Variants in QTMAN observed in about 807,000 individuals in gnomAD.
QTMAN encodes queuosine-tRNA mannosyltransferase.
At chr2:144,178,702 T>C in the QTMAN span, 1 of 259,422 alleles carries the variant, frequency 3.9e-6, no homozygotes, top group Non-Finnish European at 7.6e-6. Context: ...ATTCATCCCC[T>C]CAGGTAGGCC....
the QTMAN span, among the ~76,000 whole-genome samples, chr2:144,265,161 C>T: frequency 2.0e-5 from 3 of 152,014 alleles, no homozygotes; most frequent in African/African-American, 7.3e-5. Context: ...TAATGCAAGC[C>T]CACTCCTAAG....
At chr2:144,247,293 G>T in the QTMAN span, among the ~76,000 whole-genome samples, 1 of 152,190 alleles carries the variant, frequency 6.6e-6, no homozygotes, top group African/African-American at 2.4e-5. Context: ...TTCATAGAAG[G>T]TATAGGAAGA....
chr2:144,280,466 G>T, the QTMAN span, among the ~76,000 whole-genome samples: 1 of 152,118 alleles, frequency 6.6e-6, no homozygotes, highest in Non-Finnish European at 1.5e-5. Context: ...GGCAGTGCAG[G>T]ATTTTGGGGG....
At chr2:143,957,249 C>T in the QTMAN span, 1 of 1,612,548 alleles carries the variant, frequency 6.2e-7, no homozygotes, top group Admixed American at 1.7e-5. Context: ...ATCAGCCATG[C>T]ACAGTACTTG....
At chr2:144,104,322 G>C in the QTMAN span, among the ~76,000 whole-genome samples, 18 of 152,294 alleles carry the variant, frequency 1.2e-4, no homozygotes, top group South Asian at 2.7e-3. Flanking sequence ...CCCCTCACCT[G>C]GGAAGTGCAA....
the QTMAN span, among the ~76,000 whole-genome samples, chr2:144,187,135 T>TA: frequency 6.6e-6 from 1 of 152,358 alleles, no homozygotes; most frequent in African/African-American, 2.4e-5. Flanking sequence ...AAGTCACTGA[T>TA]ACCACTTTGT....
At chr2:143,991,209 T>G in the QTMAN span, among the ~76,000 whole-genome samples, 6 of 152,214 alleles carry the variant, frequency 3.9e-5, no homozygotes, top group Admixed American at 6.5e-5. Context: ...TGGTAAATGT[T>G]TTCCAGGATG....
the QTMAN span, among the ~76,000 whole-genome samples, chr2:144,100,205 C>A: frequency 6.6e-6 from 1 of 152,174 alleles, no homozygotes; most frequent in African/African-American, 2.4e-5. Context: ...GTACTTCTGG[C>A]CCAAGTTCTG....
chr2:144,137,667 A>G, the QTMAN span, among the ~76,000 whole-genome samples: 3 of 152,086 alleles, frequency 2.0e-5, no homozygotes, highest in Non-Finnish European at 2.9e-5. Flanking sequence ...CAGAAGACAT[A>G]TAACTTCTCT....
the QTMAN span, among the ~76,000 whole-genome samples, chr2:143,984,560 T>C: frequency 3.7e-4 from 57 of 152,268 alleles, no homozygotes; most frequent in Admixed American, 2.0e-3. Context: ...GGTGTCCCTG[T>C]CAAGGGCTCC....
chr2:143,952,672 A>G, the QTMAN span: 1 of 873,312 alleles, frequency 1.1e-6, no homozygotes, highest in Non-Finnish European at 1.9e-6. Context: ...GACTTGCCAA[A>G]TAAACAATTG....
At chr2:143,997,888 TA>T in the QTMAN span, among the ~76,000 whole-genome samples, 3 of 152,130 alleles carry the variant, frequency 2.0e-5, no homozygotes, top group Non-Finnish European at 2.9e-5. Context: ...CTAGTTCTCC[TA>T]ATGAGGAACA....
the QTMAN span, among the ~76,000 whole-genome samples, chr2:144,132,979 G>A: frequency 6.8e-6 from 1 of 147,466 alleles, no homozygotes; most frequent in African/African-American, 2.5e-5. Flanking sequence ...TGAGAAAACT[G>A]AGGCTCTGGA....
the QTMAN span, among the ~76,000 whole-genome samples, chr2:144,296,704 G>A: frequency 6.6e-6 from 1 of 152,066 alleles, no homozygotes; most frequent in Non-Finnish European, 1.5e-5. Flanking sequence ...GTACCATGTT[G>A]AAACCCCTCA....
At chr2:144,221,709 G>A in the QTMAN span, among the ~76,000 whole-genome samples, 4 of 152,168 alleles carry the variant, frequency 2.6e-5, no homozygotes, top group East Asian at 1.9e-4. Flanking sequence ...TACTGAAGGC[G>A]TCCTCCCTTC....
At chr2:144,314,136 T>C in the QTMAN span, among the ~76,000 whole-genome samples, 14 of 152,132 alleles carry the variant, frequency 9.2e-5, no homozygotes, top group African/African-American at 1.4e-4. Flanking sequence ...AGCCAATAAA[T>C]AGAAAAACAG....
At chr2:144,240,947 C>A in the QTMAN span, among the ~76,000 whole-genome samples, 1 of 152,288 alleles carries the variant, frequency 6.6e-6, no homozygotes, top group South Asian at 2.1e-4. Context: ...CCTGGCTGCA[C>A]GTTAGAATCC....
chr2:144,002,234 T>C, the QTMAN span, among the ~76,000 whole-genome samples: 1 of 151,952 alleles, frequency 6.6e-6, no homozygotes, highest in East Asian at 1.9e-4. Context: ...TAATAATCTG[T>C]GTAATAAAAT....
At chr2:144,104,677 G>A in the QTMAN span, among the ~76,000 whole-genome samples, 2 of 152,252 alleles carry the variant, frequency 1.3e-5, no homozygotes, top group South Asian at 4.1e-4. Flanking sequence ...CTCCACCTCT[G>A]GGGGCAGGGC....
Sources: allele counts gnomAD v4.1 joint callset (sites outside exome capture counted in the v4.1 genomes callset), GRCh38; gene constraint gnomAD v4.1.1; transcripts MANE v1.5; gene names NCBI Gene and HGNC (gene_info 2026-07-23, HGNC 2026-07-21).